Variants in CDIN1 observed in about 807,000 individuals in gnomAD.
CDIN1 encodes CDAN1 interacting nuclease 1, also known as CDAN1-interacting nuclease 1.
A neutral mutation model predicts 45.3 loss-of-function variants in CDIN1; 33 were observed. That is an observed-to-expected ratio of 0.73 (90% CI 0.55 to 0.97). The LOEUF is 0.97. Ranked by LOEUF, CDIN1 falls within the 50% of genes least tolerant of loss-of-function variation. CDIN1 has a pLI of 0.00. For synonymous variants in CDIN1, 118 were observed against 124.4 expected, an observed-to-expected ratio of 0.95 and a Z score of 0.34; for missense variants, 303 against 339.4, an observed-to-expected ratio of 0.89 and a Z score of 0.84.
intron 10 of CDIN1, among the ~76,000 whole-genome samples, chr15:36,807,975 C>A (rs1221106332): frequency 6.6e-6 from 1 of 152,196 alleles, no homozygotes; most frequent in African/African-American, 2.4e-5. Flanking sequence ...CCAAGGCTGG[C>A]ATTCCCCAGC....
intron 10 of CDIN1, among the ~76,000 whole-genome samples, chr15:36,739,410 G>GCAAAACAAAACAAAA (rs139738188): frequency 1.7e-3 from 257 of 151,064 alleles, no homozygotes; most frequent in African/African-American, 5.0e-3. Context: ...GTCTCTAAAT[G>GCAAAACAAAACAAAA]CAAAACAAAA....
chr15:36,808,324 A>G lies in CDIN1; in HGVS notation c.717A>G (p.Arg239=), dbSNP rs185402180. Residue 239 remains arginine, a splice_region_variant and synonymous_variant, in exon 11 of 11, where the codon AGA becomes AGG. Coordinates refer to ENST00000566621, the MANE Select transcript of CDIN1 (RefSeq NM_001321759.2). Reference sequence around the variant, plus strand: ...GTGTTATTTTCTGGTGTTTTTACAGATTTGGGCCAGGCTTAGTCATCTATT... The same window carrying G: ...GTGTTATTTTCTGGTGTTTTTACAGGTTTGGGCCAGGCTTAGTCATCTATT... ...LHDQFWSYWN[R]FGPGLVIYWY... is the part of the protein sequence containing the mutation. 46 of 1,613,266 alleles carry G rather than the reference A, an allele frequency of 2.9e-5. No individual in the cohort carries two copies. In the African/African-American group the frequency reaches 4.9e-4, roughly 17 times the overall value.
At chr15:36,613,344 G>A (rs560414089) in intron 1 of CDIN1, 64 of 733,916 alleles carry the variant, frequency 8.7e-5, no homozygotes, top group Admixed American at 2.3e-4. Flanking sequence ...TATTGATGAC[G>A]TAAAGTTAAA....
At chr15:36,697,249 G>T in intron 7 of CDIN1, 74 bp from the exon 8 acceptor site, 1 of 1,288,340 alleles carries the variant, frequency 7.8e-7, no homozygotes, top group South Asian at 1.2e-5. Flanking sequence ...GCTGCTCAAA[G>T]TATAGACCTG....
chr15:36,696,058 A>G (rs1486401394), intron 7 of CDIN1, among the ~76,000 whole-genome samples: 1 of 152,090 alleles, frequency 6.6e-6, no homozygotes, highest in African/African-American at 2.4e-5. Context: ...CTTATTTGCC[A>G]CTCATTAACT....
At chr15:36,611,883 CAT>C (rs1464650516) in intron 1 of CDIN1, among the ~76,000 whole-genome samples, 2 of 152,116 alleles carry the variant, frequency 1.3e-5, no homozygotes, top group Admixed American at 6.6e-5. Context: ...AAAGGAATAA[CAT>C]ATAGTAGGAA....
chr15:36,696,331 A>G (rs1171349548), intron 7 of CDIN1: 1 of 152,252 alleles, frequency 6.6e-6, no homozygotes, highest in Non-Finnish European at 1.5e-5. Flanking sequence ...TCTTTCCTGC[A>G]GATTACATAT....
chr15:36,586,551 G>T (rs182090626), intron 1 of CDIN1, among the ~76,000 whole-genome samples: 173 of 152,126 alleles, frequency 1.1e-3, no homozygotes, highest in African/African-American at 3.9e-3. Flanking sequence ...TATGTTTGTG[G>T]CACTATTTGG....
At chr15:36,774,410 T>G (rs1347026333) in intron 10 of CDIN1, among the ~76,000 whole-genome samples, 1 of 151,972 alleles carries the variant, frequency 6.6e-6, no homozygotes, top group Non-Finnish European at 1.5e-5. Context: ...ACTAAAATTT[T>G]AAAAGTAATT....
At chr15:36,675,984 T>C (rs1334948882) in intron 5 of CDIN1, among the ~76,000 whole-genome samples, 1 of 152,128 alleles carries the variant, frequency 6.6e-6, no homozygotes, top group Non-Finnish European at 1.5e-5. Context: ...GCAAGAAAGA[T>C]AGATCTCTGT....
intron 10 of CDIN1, among the ~76,000 whole-genome samples, chr15:36,761,023 A>G (rs2053746347): frequency 1.3e-5 from 2 of 152,112 alleles, no homozygotes; most frequent in South Asian, 4.1e-4. Flanking sequence ...TTTCATTCAG[A>G]ATGCTTGCAT....
chr15:36,743,163 A>T (rs2044298160), intron 10 of CDIN1, among the ~76,000 whole-genome samples: 1 of 152,194 alleles, frequency 6.6e-6, no homozygotes, highest in African/African-American at 2.4e-5. Context: ...CATGTAGGGG[A>T]AAAATCACTT....
At chr15:36,698,234 T>C (rs1014294476) in intron 8 of CDIN1, among the ~76,000 whole-genome samples, 1 of 152,186 alleles carries the variant, frequency 6.6e-6, no homozygotes, top group Non-Finnish European at 1.5e-5. Flanking sequence ...AAGGAAGAGA[T>C]GTTTAATAAA....
chr15:36,695,359 C>T (rs995168223), intron 7 of CDIN1, among the ~76,000 whole-genome samples: 1 of 152,074 alleles, frequency 6.6e-6, no homozygotes, highest in Non-Finnish European at 1.5e-5. Flanking sequence ...ATAATTATTA[C>T]CAAATGCAAA....
intron 1 of CDIN1, among the ~76,000 whole-genome samples, chr15:36,597,410 G>C (rs1410267300): frequency 6.6e-6 from 1 of 152,128 alleles, no homozygotes; most frequent in Non-Finnish European, 1.5e-5. Flanking sequence ...AAAGCTATCT[G>C]TTAATGCTGG....
At chr15:36,642,223 C>T (rs1566858781) in intron 1 of CDIN1, among the ~76,000 whole-genome samples, 1 of 152,124 alleles carries the variant, frequency 6.6e-6, no homozygotes, top group Admixed American at 6.5e-5. Context: ...CTTTCCTGCT[C>T]CTTATGGTGT....
chr15:36,642,108 C>G (rs955232231), intron 1 of CDIN1: 1 of 152,230 alleles, frequency 6.6e-6, no homozygotes. Context: ...ATCCTCTCCC[C>G]ACCTGCCCAG....
intron 5 of CDIN1, among the ~76,000 whole-genome samples, chr15:36,664,610 A>G (rs1214441870): frequency 6.6e-6 from 1 of 151,866 alleles, no homozygotes; most frequent in Admixed American, 6.6e-5. Flanking sequence ...GCAGTGGCAC[A>G]TTCTCAGCTC....
intron 10 of CDIN1, among the ~76,000 whole-genome samples, chr15:36,781,258 A>G (rs1341794823): frequency 6.6e-6 from 1 of 152,228 alleles, no homozygotes; most frequent in African/African-American, 2.4e-5. Flanking sequence ...ACTTAAAAAA[A>G]TCACATTCTA....
Sources: allele counts gnomAD v4.1 joint callset (sites outside exome capture counted in the v4.1 genomes callset), GRCh38; gene constraint gnomAD v4.1.1; transcripts MANE v1.5; gene names NCBI Gene and HGNC (gene_info 2026-07-23, HGNC 2026-07-21).